Variants in TRIM24 observed in about 807,000 individuals in gnomAD.
The protein encoded by TRIM24 is transcription intermediary factor 1-alpha.
Under a neutral mutation model 123.9 loss-of-function variants are expected in TRIM24, and 29 were observed. The ratio of observed to expected loss-of-function variants is 0.23; its 90% CI spans 0.17 to 0.32. The LOEUF (loss-of-function observed/expected upper bound fraction) is 0.32. Among genes scored for constraint, TRIM24 ranks in the 10% least tolerant of loss-of-function variants. TRIM24 has a pLI of 1.00. For synonymous variants in TRIM24, 456 were observed against 461.1 expected (o/e 0.99, Z 0.14); for missense variants, 932 against 1,295.3 (o/e 0.72, Z 4.31).
rs574792296 is a variant in TRIM24, at chr7:138,572,139, ATT to A, written c.1878+1137_1878+1138del. Among the ~76,000 whole-genome samples, 24 of 152,296 alleles carry A rather than the reference ATT, an allele frequency of 1.6e-4. No homozygotes were observed. The South Asian group carries it at 5.0e-3, about 32-fold the overall frequency. ...TCAATTAATATTTCCTAATAGTTGC[ATT>A]GTTAATCTTACCAGAGTCATTCCAT... On this transcript the variant is annotated intron_variant, in intron 11 of 18. Transcript: ENST00000343526.
chr7:138,580,686 G>C lies in TRIM24; in HGVS notation c.2710G>C (p.Asp904His). 6.2e-7 allele frequency: 1 copy of C among 1,613,234 alleles called. No individual in the cohort carries two copies. The highest frequency in any genetic ancestry group is 1.7e-5 in the Admixed American group (1 of 59,914). ...AGGCCTTGTTAAGTTAACACCTATA[G>C]ATAAAAGGGTAAGTCTTTGGTAAGA... ...TEGLVKLTPI[D>H]KRKCERLLLF... is the part of the protein sequence containing the mutation. Residue 904 changes from aspartate to histidine, a missense_variant, in exon 16 of 19, where the codon GAT becomes CAT. Asp to His is a moderately conservative substitution (Grantham distance 81). This residue lies in a region of TRIM24 where 45 missense variants were observed against 56.6 expected (regional missense o/e 0.80). Coordinates refer to ENST00000343526, the MANE Select transcript of TRIM24 (RefSeq NM_015905.3).
rs60386130 is a variant in TRIM24 at position 138,568,379 on chromosome 7, C to CTTTTTTTTTTTTTTTTTTTT, written c.1704+736_1704+755dup. On this transcript the variant is annotated intron_variant, in intron 10 of 18. Coordinates refer to ENST00000343526, the MANE Select transcript of TRIM24 (RefSeq NM_015905.3). ...CTCGTAAGCCACCGTACCTGGCCTC[C>CTTTTTTTTTTTTTTTTTTTT]TTTTTTTTTTTTTTTTTTTTTTTTT... is the stretch of plus-strand genomic sequence containing the variant. Among the ~76,000 whole-genome samples the CTTTTTTTTTTTTTTTTTTTT allele has an allele frequency of 3.9e-4, 27 of 68,704 alleles. 3 individuals are homozygous for CTTTTTTTTTTTTTTTTTTTT. Among genetic ancestry groups the CTTTTTTTTTTTTTTTTTTTT allele is most frequent in the Admixed American group, 1.3e-3 (5 of 3,994 alleles). 45.1% of individuals were successfully genotyped at this position (68,704 alleles called of 152,430 possible).
chr7:138,502,872 T>C (rs1796071274), intron 1 of TRIM24, among the ~76,000 whole-genome samples: 1 of 152,236 alleles, frequency 6.6e-6, no homozygotes, highest in African/African-American at 2.4e-5. Flanking sequence ...GTGAATATAT[T>C]AATCTTTCCC....
chr7:138,576,544 A>G, intron 13 of TRIM24, 99 bp downstream of exon 13: 1 of 955,916 alleles, frequency 1.0e-6, no homozygotes, highest in South Asian at 1.9e-5. Context: ...TATTTTGAAC[A>G]ATTTCCTTTA....
intron 2 of TRIM24, among the ~76,000 whole-genome samples, chr7:138,509,862 A>G (rs1215566015): frequency 3.3e-5 from 5 of 152,200 alleles, no homozygotes; most frequent in Non-Finnish European, 7.3e-5. Context: ...GAATTATTAA[A>G]AGATAAAAGC....
At chr7:138,515,399 T>C in intron 3 of TRIM24, 40 bp downstream of exon 3, 1 of 1,600,778 alleles carries the variant, frequency 6.2e-7, no homozygotes, top group Non-Finnish European at 8.5e-7. Flanking sequence ...CTTCTATCTT[T>C]CCCCGTCTTT....
intron 6 of TRIM24, among the ~76,000 whole-genome samples, chr7:138,536,854 G>A (rs551126169): frequency 6.6e-5 from 10 of 152,188 alleles, no homozygotes; most frequent in Non-Finnish European, 1.3e-4. Flanking sequence ...GAGCTGCAGC[G>A]GGCTCCACCC....
At chr7:138,516,817 T>TG (rs1440528943) in intron 3 of TRIM24, among the ~76,000 whole-genome samples, 3 of 151,318 alleles carry the variant, frequency 2.0e-5, no homozygotes, top group Non-Finnish European at 4.4e-5. Flanking sequence ...CGTTTTGTTT[T>TG]TTTTTTTTTT....
At chr7:138,482,424 A>G (rs1795549754) in intron 1 of TRIM24, among the ~76,000 whole-genome samples, 1 of 152,180 alleles carries the variant, frequency 6.6e-6, no homozygotes. Context: ...TGAGAAATTG[A>G]TAAAAAAAAT....
intron 8 of TRIM24, among the ~76,000 whole-genome samples, chr7:138,551,686 C>G (rs928816943): frequency 6.6e-6 from 1 of 152,058 alleles, no homozygotes; most frequent in Admixed American, 6.6e-5. Context: ...TCCCTTAACC[C>G]CCCAAATCTG....
intron 1 of TRIM24, among the ~76,000 whole-genome samples, chr7:138,478,990 C>G (rs541696357): frequency 1.3e-5 from 2 of 152,258 alleles, no homozygotes; most frequent in African/African-American, 4.8e-5. Flanking sequence ...CCATCCTTGA[C>G]TTTTTAAAAA....
rs573341481 is a variant in TRIM24, at chr7:138,555,137, A to T, written c.1530+171A>T. On this transcript the variant is annotated intron_variant, in intron 9 of 18. Transcript: ENST00000343526. Reference sequence around the variant, plus strand: ...GCCTAGTTTTTAATCCCTACTTAAAAAGGATTTAATGGTTTATTGAGTTGA... The same window carrying T: ...GCCTAGTTTTTAATCCCTACTTAAATAGGATTTAATGGTTTATTGAGTTGA... 4.1e-4 allele frequency among the ~76,000 whole-genome samples: 62 copies of T among 152,382 alleles called. No individual in the cohort carries two copies. The South Asian group carries it at 0.012, about 29-fold the overall frequency.
chr7:138,570,773 A>ATGTT, intron 10 of TRIM24, 57 bp from the exon 11 acceptor site: 1 of 1,568,136 alleles, frequency 6.4e-7, no homozygotes, highest in Admixed American at 1.8e-5. Flanking sequence ...GATTACATAG[A>ATGTT]TGTTGTATTT....
chr7:138,461,492 G>T (rs1050284426), intron 1 of TRIM24, among the ~76,000 whole-genome samples: 1 of 152,146 alleles, frequency 6.6e-6, no homozygotes, highest in African/African-American at 2.4e-5. Context: ...CCTCTCCTCT[G>T]CTGGGGACAA....
rs1303448244 is a variant in TRIM24, at chr7:138,554,300, TTATGA to T, written c.1262-395_1262-391del. ...TCATATATTTTAACTTAACAATATA[TTATGA>T]TAGATAGTGCAGAAACAGATAATGT... On this transcript the variant is annotated intron_variant, in intron 8 of 18. Transcript: ENST00000343526. The surrounding 1 kb of genome is among the most constrained non-coding windows in gnomAD (Gnocchi z 4.5). Among the ~76,000 whole-genome samples the T allele has an allele frequency of 6.6e-6, 1 of 152,180 alleles. No homozygotes were observed. Among genetic ancestry groups the T allele is most frequent in the Admixed American group, 6.5e-5 (1 of 15,284 alleles).
Position 138,562,845 on chromosome 7 carries a change from G to A in TRIM24, c.1531-4636G>A, listed in dbSNP as rs1262341306. Among the ~76,000 whole-genome samples, 5 of 152,114 alleles carry A rather than the reference G, an allele frequency of 3.3e-5. No homozygotes were observed. The East Asian group carries it at 9.6e-4, about 29-fold the overall frequency. ...TAAGGGTTAACACCATGGCCTTTGG[G>A]TCAGTCAGGTTTAGAGTCATATCCC... On this transcript the variant is annotated intron_variant, in intron 9 of 18. Transcript: ENST00000343526.
chr7:138,573,379 T>C (rs1033528084), intron 11 of TRIM24, 128 bp from the exon 12 acceptor site: 7 of 874,368 alleles, frequency 8.0e-6, no homozygotes, highest in African/African-American at 1.7e-5. Flanking sequence ...TTAGAACTTC[T>C]CAAATGTGGT....
At chr7:138,491,981 T>A (rs1342789129) in intron 1 of TRIM24, among the ~76,000 whole-genome samples, 1 of 151,422 alleles carries the variant, frequency 6.6e-6, no homozygotes, top group African/African-American at 2.4e-5. Flanking sequence ...TGGAGAAATG[T>A]CAGATAGGCA....
At chr7:138,486,025 C>T (rs934353452) in intron 1 of TRIM24, among the ~76,000 whole-genome samples, 18 of 152,168 alleles carry the variant, frequency 1.2e-4, no homozygotes, top group Admixed American at 1.3e-4. Flanking sequence ...TTTTAATGAT[C>T]GCCATTCTAA....
Sources: allele counts gnomAD v4.1 joint callset (sites outside exome capture counted in the v4.1 genomes callset), GRCh38; gene constraint gnomAD v4.1.1; regional missense constraint gnomAD v4.1.1; non-coding constraint Gnocchi (gnomAD v3.1); transcripts MANE v1.5; gene names NCBI Gene and HGNC (gene_info 2026-07-23, HGNC 2026-07-21).